The following ZNF487 variants were observed in gnomAD, a reference collection of about 807,000 sequenced individuals.
ZNF487 encodes the protein zinc finger protein 487.
Under a neutral mutation model 3.0 loss-of-function variants are expected in ZNF487, and 4 were observed. The observed-to-expected ratio is 1.35, with a 90% confidence interval of 0.66 to 3.08. ZNF487 has a LOEUF of 3.08. Among genes scored for constraint, ZNF487 ranks in the 30% most tolerant of loss-of-function variants. The pLI is 0.01. For missense variants in ZNF487, 146 were observed against 98.7 expected (o/e 1.48, Z -2.03); for synonymous variants, 55 against 34.6 (o/e 1.59, Z -2.06).
the ZNF487 span, among the ~76,000 whole-genome samples, chr10:43,521,518 A>T: frequency 6.6e-6 from 1 of 152,216 alleles, no homozygotes; most frequent in Admixed American, 6.5e-5. Context: ...TGTTTATAGT[A>T]TGAGAACTGA....
At chr10:43,460,540 T>C (rs1301672559) in intron 1 of ZNF487, among the ~76,000 whole-genome samples, 1 of 150,434 alleles carries the variant, frequency 6.6e-6, no homozygotes, top group Non-Finnish European at 1.5e-5. Flanking sequence ...CATGCCCAGC[T>C]AATTTTTTGT....
chr10:43,461,485 A>ATTTTTT (rs1840429890), intron 1 of ZNF487, among the ~76,000 whole-genome samples: 1 of 151,340 alleles, frequency 6.6e-6, no homozygotes, highest in African/African-American at 2.4e-5. Flanking sequence ...ATGCCTGGTT[A>ATTTTTT]CTTTTTTGTA....
At chr10:43,516,509 G>A in the ZNF487 span, among the ~76,000 whole-genome samples, 5 of 152,124 alleles carry the variant, frequency 3.3e-5, no homozygotes, top group African/African-American at 1.2e-4. Flanking sequence ...GTATAGAGGG[G>A]TTTATTAAGT....
chr10:43,464,539 C>A (rs1227061956), intron 1 of ZNF487, among the ~76,000 whole-genome samples: 2 of 152,084 alleles, frequency 1.3e-5, no homozygotes, highest in Non-Finnish European at 2.9e-5. Context: ...GTGTTTGTGT[C>A]CCTGGGTACT....
At chr10:43,456,453 C>T (rs907558758) in intron 1 of ZNF487, among the ~76,000 whole-genome samples, 3 of 152,184 alleles carry the variant, frequency 2.0e-5, no homozygotes, top group Admixed American at 2.0e-4. Flanking sequence ...AGGAGTTTTG[C>T]TCCAGCTGTC....
chr10:43,505,723 A>G, the ZNF487 span, among the ~76,000 whole-genome samples: 1 of 151,450 alleles, frequency 6.6e-6, no homozygotes, highest in Non-Finnish European at 1.5e-5. Context: ...GCTCACTGCA[A>G]CCTCTGCCTC....
chr10:43,492,276 CTTAA>C, the ZNF487 span, among the ~76,000 whole-genome samples: 39 of 151,704 alleles, frequency 2.6e-4, no homozygotes, highest in African/African-American at 7.5e-4. Flanking sequence ...TAACATTTTG[CTTAA>C]TTGAGGTTCT....
chr10:43,460,383 T>TC (rs1176992295), intron 1 of ZNF487, among the ~76,000 whole-genome samples: 4 of 146,138 alleles, frequency 2.7e-5, no homozygotes, highest in African/African-American at 1.0e-4. Flanking sequence ...TTTCTTTCTT[T>TC]TTTTTTTTTT....
At chr10:43,479,031 T>G (rs1403705583) in intron 3 of ZNF487, among the ~76,000 whole-genome samples, 1 of 146,990 alleles carries the variant, frequency 6.8e-6, no homozygotes, top group Non-Finnish European at 1.5e-5. Flanking sequence ...AAGAGAAAAT[T>G]TATATATATA....
At chr10:43,479,956 C>CTT (rs1841250190) in intron 3 of ZNF487, among the ~76,000 whole-genome samples, 1 of 56,068 alleles carries the variant, frequency 1.8e-5, no homozygotes, top group South Asian at 6.0e-4. Context: ...GCACCTGACT[C>CTT]TCTTTCTTTC....
chr10:43,482,328 A>G lies in ZNF487; in HGVS notation c.*406A>G, dbSNP rs1384704767. 4 of 429,606 alleles carry G rather than the reference A, an allele frequency of 9.3e-6. No individual in the cohort carries two copies. Among genetic ancestry groups the G allele is most frequent in the Non-Finnish European group, 1.9e-5 (4 of 215,598 alleles). 26.6% of individuals were successfully genotyped at this position (429,606 alleles called of 1,614,324 possible). ...AAAACAGATACAGAAGAAAAACTCT[A>G]TGAATGTAGTGAATGTGGGAAAACC... On this transcript the variant is annotated 3_prime_UTR_variant, in exon 4 of 4. Coordinates refer to ENST00000437590, the MANE Select transcript of ZNF487 (RefSeq NM_001355444.3).
intron 1 of ZNF487, among the ~76,000 whole-genome samples, chr10:43,475,176 T>G (rs950188316): frequency 1.3e-5 from 2 of 152,190 alleles, no homozygotes; most frequent in Non-Finnish European, 2.9e-5. Flanking sequence ...CCCTCCCTTA[T>G]CTGCCTCCTG....
the ZNF487 span, among the ~76,000 whole-genome samples, chr10:43,492,912 G>A: frequency 1.3e-5 from 2 of 152,058 alleles, no homozygotes. Flanking sequence ...ACTAATTTTA[G>A]TCCTTATGTT....
chr10:43,518,466 G>A, the ZNF487 span, among the ~76,000 whole-genome samples: 8 of 152,222 alleles, frequency 5.3e-5, no homozygotes, highest in East Asian at 1.4e-3. Context: ...TGGCCATAAA[G>A]GGGGACACCT....
chr10:43,468,219 G>A (rs1292744640), intron 1 of ZNF487, among the ~76,000 whole-genome samples: 2 of 152,140 alleles, frequency 1.3e-5, no homozygotes, highest in Non-Finnish European at 2.9e-5. Flanking sequence ...TCTATTCCTG[G>A]TGAAGATGCT....
the ZNF487 span, among the ~76,000 whole-genome samples, chr10:43,522,942 C>G: frequency 1.3e-5 from 2 of 152,046 alleles, no homozygotes; most frequent in East Asian, 3.9e-4. Flanking sequence ...TCGATGATTC[C>G]CCTTCATGCC....
chr10:43,442,469 A>C (rs1839650586), intron 1 of ZNF487, among the ~76,000 whole-genome samples: 1 of 151,882 alleles, frequency 6.6e-6, no homozygotes, highest in East Asian at 1.9e-4. Flanking sequence ...TTTGAGACGG[A>C]GTTTCACTCT....
chr10:43,507,340 A>G, the ZNF487 span, among the ~76,000 whole-genome samples: 1 of 152,212 alleles, frequency 6.6e-6, no homozygotes, highest in Non-Finnish European at 1.5e-5. Flanking sequence ...GTTAGCGGAA[A>G]GGAAGAAAGA....
At chr10:43,513,157 A>G in the ZNF487 span, among the ~76,000 whole-genome samples, 1 of 152,256 alleles carries the variant, frequency 6.6e-6, no homozygotes, top group Non-Finnish European at 1.5e-5. Flanking sequence ...TCTCCAAATA[A>G]GAAAAAGCGA....
Sources: gnomAD v4.1 joint callset for allele counts (sites outside exome capture counted in the v4.1 genomes callset) on GRCh38, gnomAD v4.1.1 for gene constraint, MANE v1.5 for transcripts, NCBI Gene and HGNC (gene_info 2026-07-23, HGNC 2026-07-21) for gene names.